The following VIPR1 variants were observed in gnomAD, a reference collection of about 807,000 sequenced individuals.
The protein encoded by VIPR1 is vasoactive intestinal polypeptide receptor 1.
A neutral mutation model predicts 58.8 loss-of-function variants in VIPR1; 59 were observed. The observed-to-expected ratio is 1.00, with a 90% CI of 0.81 to 1.25. VIPR1 has a LOEUF of 1.25. Ranked by LOEUF, VIPR1 falls within the 50% of genes most tolerant of loss-of-function variation. The pLI, the probability that VIPR1 is intolerant of heterozygous loss-of-function variation, is 0.00. For synonymous variants in VIPR1, 251 were observed against 242.1 expected, an observed-to-expected ratio of 1.04 and a Z score of -0.34; for missense variants, 626 against 602.7, an observed-to-expected ratio of 1.04 and a Z score of -0.40.
upstream of VIPR1, among the ~76,000 whole-genome samples, chr3:42,498,160 C>T (rs1699802507): frequency 1.3e-5 from 2 of 152,224 alleles, no homozygotes; most frequent in South Asian, 4.1e-4. Flanking sequence ...TCACTTGGAT[C>T]CACCTCTAGA....
chr3:42,531,294 C>G (rs1182355318), intron 7 of VIPR1, 177 bp from the exon 8 acceptor site: 9 of 679,852 alleles, frequency 1.3e-5, no homozygotes, highest in East Asian at 5.4e-5. Flanking sequence ...AGCTTCACCC[C>G]CTCAGTGGAG....
At chr3:42,493,740 T>G (rs1351463293) in intron 1 of VIPR1, among the ~76,000 whole-genome samples, 1 of 152,200 alleles carries the variant, frequency 6.6e-6, no homozygotes, top group Non-Finnish European at 1.5e-5. Context: ...CCACCCCTGC[T>G]CTGCAAGGAT....
At chr3:42,502,590 C>A, upstream of VIPR1, 2 of 575,554 alleles carry the variant, frequency 3.5e-6, no homozygotes, top group Non-Finnish European at 5.0e-6. Context: ...CCCCGGGGCC[C>A]GCCCCCAGCC....
chr3:42,519,452 C>A, intron 3 of VIPR1, 122 bp downstream of exon 3: 1 of 735,122 alleles, frequency 1.4e-6, no homozygotes, highest in East Asian at 3.2e-5. Flanking sequence ...CGAGGGACTC[C>A]CTGGCAGAGG....
At chr3:42,496,082 C>T (rs556670032) in intron 1 of VIPR1, among the ~76,000 whole-genome samples, 1 of 152,166 alleles carries the variant, frequency 6.6e-6, no homozygotes, top group South Asian at 2.1e-4. Context: ...ACTAAAAATA[C>T]AAAAATTAGC....
chr3:42,511,658 G>A (rs990043816), intron 1 of VIPR1: 1 of 152,324 alleles, frequency 6.6e-6, no homozygotes, highest in Non-Finnish European at 1.5e-5. Context: ...ACGCTGGGAA[G>A]GGGCCAGAAA....
Position 42,536,503 on chromosome 3 carries a change from T to C in VIPR1, c.*222T>C. On this transcript the variant is annotated 3_prime_UTR_variant, in exon 13 of 13. Coordinates refer to ENST00000325123, the MANE Select transcript of VIPR1 (RefSeq NM_004624.4). ...GTGAGAGAGATGGGAGCTCCTCTCC[T>C]GGAGGATTGCAGGTGGAACTCAGTC... is the stretch of plus-strand genomic sequence containing the variant. 1 of 457,314 alleles carries C rather than the reference T, an allele frequency of 2.2e-6. No individual in the cohort carries two copies. The highest frequency in any genetic ancestry group is 3.8e-6 in the Non-Finnish European group (1 of 264,816). The allele number at this position is 457,314 out of a possible 1,614,324, so 28.3% of individuals were successfully genotyped here.
intron 1 of VIPR1, chr3:42,489,692 C>T (rs1359606125): frequency 6.6e-6 from 1 of 152,286 alleles, no homozygotes; most frequent in Admixed American, 6.5e-5. Context: ...GGGTAAGACC[C>T]AGCCCTAGTC....
chr3:42,491,923 A>G (rs1195388306), intron 1 of VIPR1, among the ~76,000 whole-genome samples: 3 of 152,160 alleles, frequency 2.0e-5, no homozygotes, highest in Non-Finnish European at 4.4e-5. Flanking sequence ...GGATACTGAG[A>G]TTGGAGAATG....
intron 1 of VIPR1, chr3:42,512,043 T>TTTTAAATGACTTACCAGC: frequency 6.6e-6 from 1 of 152,264 alleles, no homozygotes; most frequent in African/African-American, 2.4e-5. Flanking sequence ...TTTCAATAAG[T>TTTTAAATGACTTACCAGC]TTTAAATGAC....
At chr3:42,523,595 C>T (rs866527843) in intron 3 of VIPR1, among the ~76,000 whole-genome samples, 13 of 137,242 alleles carry the variant, frequency 9.5e-5, no homozygotes, top group Admixed American at 5.1e-4. Flanking sequence ...ACCCTAACAC[C>T]TCCGCCACTA....
At chr3:42,527,295 G>T in intron 4 of VIPR1, 98 bp from the exon 5 acceptor site, 1 of 1,131,122 alleles carries the variant, frequency 8.8e-7, no homozygotes, top group Non-Finnish European at 1.3e-6. Flanking sequence ...AGGCAGGGTT[G>T]GGCAGGCAGA....
At chr3:42,520,387 G>A (rs572255193) in intron 3 of VIPR1, among the ~76,000 whole-genome samples, 8 of 152,264 alleles carry the variant, frequency 5.3e-5, no homozygotes, top group South Asian at 4.1e-4. Flanking sequence ...GATTTTTAAC[G>A]TCTAACTGGT....
At chr3:42,495,321 C>A (rs587225) in intron 1 of VIPR1, among the ~76,000 whole-genome samples, 104,428 of 151,910 alleles carry the variant, frequency 0.69, 37,764 homozygotes, top group African/African-American at 0.92. Flanking sequence ...CGGGGTTTCA[C>A]CATGTTAGCC....
chr3:42,494,873 A>G (rs1394751993), intron 1 of VIPR1, among the ~76,000 whole-genome samples: 2 of 152,150 alleles, frequency 1.3e-5, no homozygotes, highest in Non-Finnish European at 2.9e-5. Context: ...CAGTTACTAG[A>G]ATGTTCATAT....
intron 1 of VIPR1, among the ~76,000 whole-genome samples, chr3:42,495,010 G>A (rs115189266): frequency 0.012 from 1,840 of 152,130 alleles, 47 homozygotes; most frequent in African/African-American, 0.042. Flanking sequence ...TTGTCTATGC[G>A]TGAAATATTT....
At chr3:42,493,591 C>G (rs1259382681) in intron 1 of VIPR1, among the ~76,000 whole-genome samples, 1 of 152,154 alleles carries the variant, frequency 6.6e-6, no homozygotes, top group Non-Finnish European at 1.5e-5. Context: ...CTCTCTCTGC[C>G]TGGTCTTCAA....
At chr3:42,514,502 G>C (rs532200860) in intron 2 of VIPR1, among the ~76,000 whole-genome samples, 2 of 150,638 alleles carry the variant, frequency 1.3e-5, no homozygotes, top group Non-Finnish European at 1.5e-5. Flanking sequence ...CTCAACCCCA[G>C]GCTCTGCCTC....
intron 1 of VIPR1, among the ~76,000 whole-genome samples, chr3:42,496,577 T>G (rs1253949046): frequency 6.6e-6 from 1 of 152,190 alleles, no homozygotes; most frequent in Non-Finnish European, 1.5e-5. Context: ...GATTTGACAG[T>G]CCCTCCCTTT....
Sources: allele counts gnomAD v4.1 joint callset (sites outside exome capture counted in the v4.1 genomes callset), GRCh38; gene constraint gnomAD v4.1.1; transcripts MANE v1.5; gene names NCBI Gene and HGNC (gene_info 2026-07-23, HGNC 2026-07-21).